Variants in DNAH11 observed in about 807,000 individuals in gnomAD.
DNAH11 encodes dynein axonemal heavy chain 11.
DNAH11 carries 442 observed loss-of-function variants against 526.0 expected under a neutral mutation model. That is an observed-to-expected ratio of 0.84 (90% CI 0.78 to 0.91). DNAH11 has a LOEUF of 0.91. Ranked by LOEUF, DNAH11 falls within the 40% of genes least tolerant of loss-of-function variation. The probability of loss-of-function intolerance (pLI) is 0.00; values close to 1 mark genes in which losing one functional copy is unlikely to be tolerated. For synonymous variants in DNAH11, 2,461 were observed against 1,935.9 expected (o/e 1.27, Z -7.12); for missense variants, 6,989 against 5,448.7 (o/e 1.28, Z -8.90).
intron 25 of DNAH11, among the ~76,000 whole-genome samples, chr7:21,634,255 C>T (rs549237099): frequency 1.3e-5 from 2 of 152,262 alleles, no homozygotes; most frequent in African/African-American, 4.8e-5. Context: ...TGGGAGTTCA[C>T]TGTCAGTATC....
chr7:21,707,838 A>G lies in DNAH11; in HGVS notation c.6683+3A>G. The G allele has an allele frequency of 6.3e-7, 1 of 1,594,480 alleles. No homozygotes were observed. Among genetic ancestry groups the G allele is most frequent in the South Asian group, 1.1e-5 (1 of 87,222 alleles). ...ACCCGAGAATGGAAAGATGGCAAGTAGTATTTCCCCTTTAGAAGTGCTCAA... is the reference window on the plus strand; with the variant it reads ...ACCCGAGAATGGAAAGATGGCAAGTGGTATTTCCCCTTTAGAAGTGCTCAA... On this transcript the variant is annotated splice_donor_region_variant and intron_variant, in intron 40 of 81. Transcript: ENST00000409508.
intron 65 of DNAH11, among the ~76,000 whole-genome samples, chr7:21,839,256 G>C (rs1224203394): frequency 1.3e-5 from 2 of 152,042 alleles, no homozygotes; most frequent in Non-Finnish European, 2.9e-5. Flanking sequence ...TGGCTGAATA[G>C]ATGGAAGAAT....
intron 65 of DNAH11, among the ~76,000 whole-genome samples, chr7:21,839,328 A>T (rs1782114708): frequency 6.6e-6 from 1 of 152,066 alleles, no homozygotes; most frequent in Admixed American, 6.6e-5. Context: ...TAATCCCAGC[A>T]CTTTGGTAGG....
intron 48 of DNAH11, among the ~76,000 whole-genome samples, chr7:21,740,622 C>A (rs150333609): frequency 4.6e-5 from 7 of 152,232 alleles, no homozygotes; most frequent in African/African-American, 1.2e-4. Flanking sequence ...GTTATTCATT[C>A]GTTGATGGAC....
rs2127986958 is a variant in DNAH11 at position 21,786,713 on chromosome 7, G to A, written c.9687G>A (p.Arg3229=). 1 of 1,613,886 alleles carries A rather than the reference G, an allele frequency of 6.2e-7. No individual in the cohort carries two copies. The part of the protein sequence containing the change: ...TAAVMVLLAP[R]GRVPKDRSWK... ...CCGTGATGGTCCTTCTGGCTCCTCG[G>A]GGAAGAGTGCCCAAAGACCGAAGTT... The change falls in exon 59 of 82, where the codon CGG becomes CGA. Residue 3229 remains arginine, a synonymous_variant. Coordinates refer to ENST00000409508, the MANE Select transcript of DNAH11 (RefSeq NM_001277115.2).
rs1236334789 is a variant in DNAH11, at chr7:21,543,377, G to A, written c.132G>A (p.Glu44=). 1 of 1,551,548 alleles carries A rather than the reference G, an allele frequency of 6.4e-7. No homozygotes were observed. Among genetic ancestry groups the A allele is most frequent in the Admixed American group, 2.0e-5 (1 of 51,018 alleles). The change falls in exon 1 of 82, where the codon GAG becomes GAA. Residue 44 remains glutamate (E), a synonymous_variant. Transcript: ENST00000409508. Reference sequence around the variant, plus strand: ...AGGAGGAGGAGGAGAACGAGGAGGAGGCGGCGGCCAGGAGAGCGCGGAGTT... The same window carrying A: ...AGGAGGAGGAGGAGAACGAGGAGGAAGCGGCGGCCAGGAGAGCGCGGAGTT... ...ELEEEEENEE[E]AAARRARSFA... is the part of the protein sequence containing the mutation.
intron 74 of DNAH11, among the ~76,000 whole-genome samples, chr7:21,875,668 A>C (rs1327396596): frequency 6.6e-6 from 1 of 152,124 alleles, no homozygotes; most frequent in Admixed American, 6.5e-5. Flanking sequence ...CTCAAAAAAT[A>C]ATAATAAGTG....
At position 21,750,351 on chromosome 7, in the gene DNAH11, G is replaced by A. The variant is rs370466246; in HGVS notation, c.8927G>A (p.Arg2976Gln). ...NCWKFFMARV[R>Q]LQLKIILCFS... is the part of the protein sequence containing the mutation. The stretch of plus-strand genomic sequence containing the variant: ...TGGAAATTCTTTATGGCCAGGGTGC[G>A]ACTACAGCTCAAAGTAAGAAATACT... The change falls in exon 54 of 82, where the codon CGA (arginine) becomes CAA (glutamine). Residue 2976 changes from arginine to glutamine, a missense_variant. Transcript: ENST00000409508. 53 of 1,603,466 alleles carry A rather than the reference G, an allele frequency of 3.3e-5. No homozygotes were observed. The highest frequency in any genetic ancestry group is 4.0e-5 in the Non-Finnish European group (47 of 1,174,902).
chr7:21,694,797 C>T (rs1583601311), intron 35 of DNAH11, among the ~76,000 whole-genome samples: 2 of 152,300 alleles, frequency 1.3e-5, no homozygotes, highest in African/African-American at 4.8e-5. Context: ...AATGGTTGAA[C>T]CACTTTACAC....
In DNAH11 at chr7:21,710,547, T is replaced by C. The variant is rs189317784; in HGVS notation, c.6684-6T>C. The C allele has an allele frequency of 1.3e-6, 2 of 1,596,618 alleles. No individual in the cohort carries two copies. Among genetic ancestry groups the C allele is most frequent in the Non-Finnish European group, 1.7e-6 (2 of 1,166,792 alleles). ...ATAAACAGCACTCAACTACATTATA[T>C]ATTAGGATTGTTTACTCTTATTTTA... On this transcript the variant is annotated splice_polypyrimidine_tract_variant and splice_region_variant and intron_variant, in intron 40 of 81. Transcript: ENST00000409508.
In DNAH11 at chr7:21,561,181, T is replaced by G. The variant is rs750435389; in HGVS notation, c.982+11T>G. 7.0e-6 allele frequency: 11 copies of G among 1,563,026 alleles called. No individual in the cohort carries two copies. Among genetic ancestry groups the G allele is most frequent in the African/African-American group, 4.1e-5 (3 of 73,970 alleles). ...TGGCTGTGGAAAATGGTAAGACTCTTGTTCCTCAGCCTGGCATCAATATCA... is the reference window on the plus strand; with the variant it reads ...TGGCTGTGGAAAATGGTAAGACTCTGGTTCCTCAGCCTGGCATCAATATCA... On this transcript the variant is annotated intron_variant, in intron 5 of 81. Coordinates refer to ENST00000409508, the MANE Select transcript of DNAH11 (RefSeq NM_001277115.2).
chr7:21,898,531 C>T (rs1188605979), intron 79 of DNAH11, among the ~76,000 whole-genome samples: 2 of 152,344 alleles, frequency 1.3e-5, no homozygotes, highest in East Asian at 1.9e-4. Flanking sequence ...TTCTAGAGAA[C>T]TCTGGCTTTT....
rs190727141 is a variant in DNAH11, at chr7:21,852,599, A to G, written c.11029A>G (p.Thr3677Ala). 11 of 1,604,496 alleles carry G rather than the reference A, an allele frequency of 6.9e-6. No individual in the cohort carries two copies. The African/African-American group carries it at 8.1e-5, about 12-fold the overall frequency. The change falls in exon 67 of 82, where the codon ACA (threonine) becomes GCA (alanine). Residue 3677 changes from threonine (T) to alanine (A), a missense_variant. Physicochemically the swap from Thr to Ala is moderately conservative, Grantham distance 58 (BLOSUM62 0). Transcript: ENST00000409508. Reference sequence around the variant, plus strand: ...CAAACTGGTAGAGAGATTGGAGGCAACAAAGACCACCGTGGCAGAGATAGA... The same window carrying G: ...CAAACTGGTAGAGAGATTGGAGGCAGCAAAGACCACCGTGGCAGAGATAGA... ...DTKLVERLEA[T>A]KTTVAEIEHK...
At chr7:21,660,899 C>T (rs1325307121) in intron 30 of DNAH11, among the ~76,000 whole-genome samples, 2 of 151,798 alleles carry the variant, frequency 1.3e-5, no homozygotes, top group Non-Finnish European at 2.9e-5. Context: ...CATAAATATA[C>T]ATCAGATCCA....
In DNAH11 at chr7:21,620,055, T is replaced by G; in HGVS notation, c.4477T>G (p.Phe1493Val). 1 of 1,600,650 alleles carries G rather than the reference T, an allele frequency of 6.2e-7. No individual in the cohort carries two copies. Among genetic ancestry groups the G allele is most frequent in the Non-Finnish European group, 8.5e-7 (1 of 1,175,830 alleles). ...IPLLKSDEQL[F>V]ETLEHNQVQL... The stretch of plus-strand genomic sequence containing the variant: ...ATTACTAAAGTCTGATGAACAACTT[T>G]TTGAAACTCTAGAGCACAACCAAGT... The change falls in exon 25 of 82, where the codon TTT (phenylalanine) becomes GTT (valine). Residue 1493 changes from phenylalanine (F) to valine (V), a missense_variant. By Grantham distance (50) the Phe-to-Val change is conservative (BLOSUM62 -1). Transcript: ENST00000409508.
chr7:21,647,427 CTTTTTTTTTTTTT>C (rs71026810), intron 28 of DNAH11, among the ~76,000 whole-genome samples: 6 of 121,250 alleles, frequency 4.9e-5, no homozygotes, highest in Non-Finnish European at 1.0e-4. Context: ...TTCTTTCTTT[CTTTTTTTTTTTTT>C]TTTTTTTGAG....
Position 21,786,704 on chromosome 7 carries a change from G to C in DNAH11, c.9678G>C (p.Leu3226=), listed in dbSNP as rs1287788260. 6.2e-7 allele frequency: 1 copy of C among 1,613,842 alleles called. No individual in the cohort carries two copies. Among genetic ancestry groups the C allele is most frequent in the Non-Finnish European group, 8.5e-7 (1 of 1,179,786 alleles). The part of the protein sequence containing the change: ...TNVTAAVMVL[L]APRGRVPKDR... Reference sequence around the variant, plus strand: ...TTACTGCAGCCGTGATGGTCCTTCTGGCTCCTCGGGGAAGAGTGCCCAAAG... The same window carrying C: ...TTACTGCAGCCGTGATGGTCCTTCTCGCTCCTCGGGGAAGAGTGCCCAAAG... The change falls in exon 59 of 82, where the codon CTG becomes CTC. Residue 3226 remains leucine, a synonymous_variant. Coordinates refer to ENST00000409508, the MANE Select transcript of DNAH11 (RefSeq NM_001277115.2).
At chr7:21,638,585 G>A (rs1229023575) in intron 27 of DNAH11, among the ~76,000 whole-genome samples, 1 of 152,144 alleles carries the variant, frequency 6.6e-6, no homozygotes, top group African/African-American at 2.4e-5. Context: ...CTCTCAGGTT[G>A]AAGGATGGCG....
chr7:21,716,358 G>A (rs1784662564), intron 42 of DNAH11, among the ~76,000 whole-genome samples: 1 of 152,148 alleles, frequency 6.6e-6, no homozygotes, highest in Non-Finnish European at 1.5e-5. Context: ...TTTGTCAGAT[G>A]CTAATGTAAG....
Sources: allele counts gnomAD v4.1 joint callset (sites outside exome capture counted in the v4.1 genomes callset), GRCh38; gene constraint gnomAD v4.1.1; transcripts MANE v1.5; gene names NCBI Gene and HGNC (gene_info 2026-07-23, HGNC 2026-07-21).